IFT88: variants seen among roughly 807,000 people sequenced by gnomAD.
IFT88 encodes intraflagellar transport 88.
In IFT88, 74 loss-of-function variants were observed where a neutral mutation model predicts 119.5. The observed-to-expected ratio is 0.62, with a 90% CI of 0.51 to 0.75. The LOEUF (loss-of-function observed/expected upper bound fraction) is 0.75. Among genes scored for constraint, IFT88 ranks in the 30% least tolerant of loss-of-function variants. The pLI, the probability that IFT88 is intolerant of heterozygous loss-of-function variation, is 0.00. For synonymous variants in IFT88, 279 were observed against 316.7 expected (o/e 0.88, Z 1.26); for missense variants, 961 against 977.7 (o/e 0.98, Z 0.23).
intron 24 of IFT88, among the ~76,000 whole-genome samples, chr13:20,687,034 A>AC (rs1368368268): frequency 1.5e-5 from 2 of 132,454 alleles, no homozygotes; most frequent in African/African-American, 6.0e-5. Flanking sequence ...AAAAAAAAAA[A>AC]AAAAAAAAAA....
chr13:20,585,124 A>G (rs1327286148), intron 3 of IFT88, among the ~76,000 whole-genome samples: 2 of 152,102 alleles, frequency 1.3e-5, no homozygotes, highest in Admixed American at 1.3e-4. Flanking sequence ...TGCCCATCTC[A>G]TTTGGGGTAA....
At chr13:20,601,141 G>C (rs915959257) in intron 11 of IFT88, among the ~76,000 whole-genome samples, 1 of 152,180 alleles carries the variant, frequency 6.6e-6, no homozygotes, top group Non-Finnish European at 1.5e-5. Flanking sequence ...CGAGGCGGGC[G>C]AATCACCTGA....
Position 20,616,679 on chromosome 13 carries a change from G to C in IFT88, c.1199+800G>C, listed in dbSNP as rs1165158748. On this transcript the variant is annotated intron_variant, in intron 14 of 25. Transcript: ENST00000351808. ...CCCCATCATCAAGCGATGCCTTACT[G>C]TACAGTAAATACATAAACCAGTAAC... 2.0e-5 allele frequency among the ~76,000 whole-genome samples: 3 copies of C among 152,122 alleles called. No homozygotes were observed. The East Asian group carries it at 5.8e-4, about 29-fold the overall frequency.
chr13:20,569,856 A>G (rs2035909660), intron 1 of IFT88, among the ~76,000 whole-genome samples: 1 of 151,618 alleles, frequency 6.6e-6, no homozygotes, highest in Non-Finnish European at 1.5e-5. Flanking sequence ...GTGAAACCCC[A>G]TCTCTACTAA....
In IFT88 at chr13:20,618,848, TA is replaced by T. The variant is rs1279788126; in HGVS notation, c.1199+2970del. Among the ~76,000 whole-genome samples the T allele has an allele frequency of 5.0e-5, 6 of 118,980 alleles. No homozygotes were observed. The Admixed American group carries it at 6.8e-4, about 13-fold the overall frequency. The allele number at this position is 118,980 out of a possible 152,430, so 78.1% of individuals were successfully genotyped here. A position where few individuals can be genotyped will look rare whatever the true frequency, so the allele number is the denominator to read the frequency against. On this transcript the variant is annotated intron_variant, in intron 14 of 25. Transcript: ENST00000351808. ...TTAACTTCTTTGTATATGATTAAATTATTTTTTTTTCCCTTTTTTTTTTTTG... is the reference window on the plus strand; with the variant it reads ...TTAACTTCTTTGTATATGATTAAATTTTTTTTTTTCCCTTTTTTTTTTTTG...
At chr13:20,585,870 C>G (rs758677097) in intron 3 of IFT88, among the ~76,000 whole-genome samples, 12 of 152,162 alleles carry the variant, frequency 7.9e-5, no homozygotes, top group Non-Finnish European at 1.5e-4. Context: ...ACCTTCATTA[C>G]GGGAAGAAAA....
At chr13:20,599,162 T>C (rs535676366) in intron 10 of IFT88, among the ~76,000 whole-genome samples, 2 of 152,192 alleles carry the variant, frequency 1.3e-5, no homozygotes, top group South Asian at 4.1e-4. Context: ...AGTCTAACTT[T>C]TAAATGTCTT....
At chr13:20,657,087 A>T (rs2140647467) in intron 22 of IFT88, among the ~76,000 whole-genome samples, 1 of 152,298 alleles carries the variant, frequency 6.6e-6, no homozygotes, top group East Asian at 1.9e-4. Context: ...CAAACTCCTG[A>T]CGTTGTGATC....
chr13:20,592,304 A>G (rs2040812540), intron 6 of IFT88, 31 bp from the exon 7 acceptor site: 1 of 1,559,196 alleles, frequency 6.4e-7, no homozygotes, highest in South Asian at 1.2e-5. Context: ...TGAGTTACAA[A>G]TTGAATATTA....
At chr13:20,665,468 A>G (rs984797761) in intron 23 of IFT88, among the ~76,000 whole-genome samples, 1 of 152,204 alleles carries the variant, frequency 6.6e-6, no homozygotes, top group Non-Finnish European at 1.5e-5. Context: ...AAAAAATGCA[A>G]TTTTTAAAAA....
chr13:20,635,508 T>C (rs1247585633), intron 16 of IFT88, among the ~76,000 whole-genome samples: 3 of 152,210 alleles, frequency 2.0e-5, no homozygotes, highest in African/African-American at 7.2e-5. Flanking sequence ...ATTCCTTGAT[T>C]AGGGCCCAGC....
chr13:20,674,722 A>AT (rs1296479140), intron 24 of IFT88, among the ~76,000 whole-genome samples: 6,397 of 41,354 alleles, frequency 0.15, 197 homozygotes, highest in East Asian at 0.28. Flanking sequence ...ATATATATAT[A>AT]TATTTTTTTT....
chr13:20,651,654 A>T (rs2051720146), intron 20 of IFT88, among the ~76,000 whole-genome samples: 1 of 151,836 alleles, frequency 6.6e-6, no homozygotes. Context: ...AGAGAGACAG[A>T]CCGCATCTAC....
chr13:20,682,738 A>G (rs190211623), intron 24 of IFT88, among the ~76,000 whole-genome samples: 67 of 152,338 alleles, frequency 4.4e-4, no homozygotes, highest in Admixed American at 1.5e-3. Flanking sequence ...ATAATGAATA[A>G]TGTAACACTG....
At chr13:20,612,963 A>C (rs1473029971) in intron 13 of IFT88, among the ~76,000 whole-genome samples, 1 of 152,202 alleles carries the variant, frequency 6.6e-6, no homozygotes, top group Non-Finnish European at 1.5e-5. Context: ...TATAGACCTA[A>C]ATGTAAGAGC....
intron 24 of IFT88, among the ~76,000 whole-genome samples, chr13:20,679,428 G>A (rs759590123): frequency 2.0e-5 from 3 of 152,174 alleles, no homozygotes; most frequent in Non-Finnish European, 4.4e-5. Flanking sequence ...GCAATTAAAC[G>A]CCGAGAGTGC....
At chr13:20,604,124 C>T (rs2043036868) in intron 12 of IFT88, among the ~76,000 whole-genome samples, 1 of 152,046 alleles carries the variant, frequency 6.6e-6, no homozygotes, top group Non-Finnish European at 1.5e-5. Flanking sequence ...TGTCTGTAGT[C>T]CCACCTACTC....
At chr13:20,690,101 T>C (rs2058334646) in intron 24 of IFT88, among the ~76,000 whole-genome samples, 1 of 152,160 alleles carries the variant, frequency 6.6e-6, no homozygotes, top group South Asian at 2.1e-4. Flanking sequence ...AGAGACATTA[T>C]CAGTAAACTA....
intron 1 of IFT88, among the ~76,000 whole-genome samples, chr13:20,568,815 G>C (rs2035545063): frequency 6.6e-6 from 1 of 152,026 alleles, no homozygotes. Context: ...CCGCCTCCCG[G>C]GTTCATGCCA....
Sources: gnomAD v4.1 joint callset for allele counts (sites outside exome capture counted in the v4.1 genomes callset) on GRCh38, gnomAD v4.1.1 for gene constraint, MANE v1.5 for transcripts, NCBI Gene and HGNC (gene_info 2026-07-23, HGNC 2026-07-21) for gene names.